The following PTBP3 variants were observed in gnomAD, a reference collection of about 807,000 sequenced individuals.
The protein encoded by PTBP3 is polypyrimidine tract binding protein 3, also known as polypyrimidine tract-binding protein 3.
PTBP3 carries 20 observed loss-of-function variants against 58.7 expected under a neutral mutation model. The observed-to-expected ratio is 0.34, with a 90% CI of 0.24 to 0.50. The LOEUF (loss-of-function observed/expected upper bound fraction) is 0.50. PTBP3 is among the 20% of genes least tolerant of loss of function. PTBP3 has a pLI of 0.98. For synonymous variants in PTBP3, 185 were observed against 219.8 expected, an observed-to-expected ratio of 0.84 and a Z score of 1.40; for missense variants, 509 against 637.2, an observed-to-expected ratio of 0.80 and a Z score of 2.17.
chr9:112,268,980 G>A (rs191803921), intron 3 of PTBP3, among the ~76,000 whole-genome samples: 5 of 152,108 alleles, frequency 3.3e-5, no homozygotes, highest in Non-Finnish European at 7.4e-5. Flanking sequence ...TGGATCACCC[G>A]AGGTCAGGAG....
chr9:112,243,599 A>G (rs1835749737), intron 7 of PTBP3, among the ~76,000 whole-genome samples: 1 of 152,168 alleles, frequency 6.6e-6, no homozygotes. Context: ...CATTATCTGT[A>G]GATGATATGA....
At position 112,332,502 on chromosome 9, in the gene PTBP3, T is replaced by TA. The variant is rs946071922; in HGVS notation, c.-52+967dup. On this transcript the variant is annotated intron_variant, in intron 1 of 13. Transcript: ENST00000374257. Reference sequence around the variant, plus strand: ...TTGTCATCAAAAGTAGGTAACAAGCTAAAAAAAACCTCAAATACATAATGG... The same window carrying TA: ...TTGTCATCAAAAGTAGGTAACAAGCTAAAAAAAAACCTCAAATACATAATGG... Among the ~76,000 whole-genome samples, 26 of 152,014 alleles carry TA rather than the reference T, an allele frequency of 1.7e-4. No homozygotes were observed. The South Asian group carries it at 3.5e-3, about 21-fold the overall frequency.
At chr9:112,347,253 T>C in the PTBP3 span, among the ~76,000 whole-genome samples, 38 of 151,862 alleles carry the variant, frequency 2.5e-4, no homozygotes, top group African/African-American at 9.2e-4. Context: ...GAATACTATA[T>C]CACAGTGAAA....
At chr9:112,241,020 C>G (rs1350270684) in intron 7 of PTBP3, among the ~76,000 whole-genome samples, 2 of 152,070 alleles carry the variant, frequency 1.3e-5, no homozygotes, top group Admixed American at 1.3e-4. Context: ...ACGAAAGAGT[C>G]AAAAGTTAAA....
the PTBP3 span, among the ~76,000 whole-genome samples, chr9:112,369,380 C>T: frequency 6.6e-6 from 1 of 152,128 alleles, no homozygotes; most frequent in Non-Finnish European, 1.5e-5. Flanking sequence ...GTGGAGCTGC[C>T]CAAGACCATG....
intron 1 of PTBP3, among the ~76,000 whole-genome samples, chr9:112,313,523 C>T (rs1406485740): frequency 6.6e-6 from 1 of 152,142 alleles, no homozygotes; most frequent in African/African-American, 2.4e-5. Context: ...AAGTCAGAAA[C>T]CTGGACATGG....
intron 12 of PTBP3, among the ~76,000 whole-genome samples, chr9:112,224,573 T>A (rs1285983923): frequency 6.6e-6 from 1 of 152,236 alleles, no homozygotes; most frequent in East Asian, 1.9e-4. Context: ...CTCTGACTTG[T>A]CTGCTACAGT....
chr9:112,318,299 A>C (rs1044940223), intron 1 of PTBP3, among the ~76,000 whole-genome samples: 1 of 152,144 alleles, frequency 6.6e-6, no homozygotes, highest in African/African-American at 2.4e-5. Context: ...AAAAGGTAAT[A>C]AGTAAGTTTT....
At chr9:112,347,566 C>T in the PTBP3 span, among the ~76,000 whole-genome samples, 8 of 152,116 alleles carry the variant, frequency 5.3e-5, no homozygotes, top group African/African-American at 1.9e-4. Flanking sequence ...TGGTCTCGAA[C>T]TCTTGGGCTC....
chr9:112,231,974 GAGAAGAGA>G lies in PTBP3; in HGVS notation c.1020+117_1020+124del, dbSNP rs1564391437. ...GAAGAGAAGAGAAGAGAAGAGAGAA[GAGAAGAGA>G]AGAGAAGAGAAGAGAAGAGAAGAGA... is the stretch of plus-strand genomic sequence containing the variant. On this transcript the variant is annotated intron_variant, in intron 9 of 13. Coordinates refer to ENST00000374257, the MANE Select transcript of PTBP3 (RefSeq NM_001163788.4). The G allele has an allele frequency of 2.0e-4, 78 of 383,292 alleles. 1 individual carries two copies. The highest frequency in any genetic ancestry group is 4.9e-4 in the Admixed American group (7 of 14,378). The allele number at this position is 383,292 out of a possible 1,614,324, so 23.7% of individuals were successfully genotyped here. A position where few individuals can be genotyped will look rare whatever the true frequency, so the allele number is the denominator to read the frequency against.
At chr9:112,268,339 C>T in intron 3 of PTBP3, 144 bp from the exon 4 acceptor site, 3 of 756,160 alleles carry the variant, frequency 4.0e-6, no homozygotes, top group Non-Finnish European at 5.8e-6. Flanking sequence ...AACAAAAAAA[C>T]ACCTTTGCTT....
intron 1 of PTBP3, among the ~76,000 whole-genome samples, chr9:112,306,253 C>T (rs1275626645): frequency 6.6e-6 from 1 of 152,090 alleles, no homozygotes; most frequent in African/African-American, 2.4e-5. Context: ...CAGCCTCAAC[C>T]TCCTAGGCTC....
intron 1 of PTBP3, among the ~76,000 whole-genome samples, chr9:112,306,470 A>AC (rs552424292): frequency 6.6e-6 from 1 of 151,458 alleles, no homozygotes; most frequent in Non-Finnish European, 1.5e-5. Context: ...AAAAAAAAAA[A>AC]ACACTATTCT....
At position 112,221,413 on chromosome 9, in the gene PTBP3, A is replaced by C; in HGVS notation, c.*2438T>G. 2.0e-6 allele frequency: 2 copies of C among 985,836 alleles called. No individual in the cohort carries two copies. Among genetic ancestry groups the C allele is most frequent in the Non-Finnish European group, 2.4e-6 (2 of 829,912 alleles). The allele number at this position is 985,836 out of a possible 1,614,324, so 61.1% of individuals were successfully genotyped here. On this transcript the variant is annotated 3_prime_UTR_variant, in exon 14 of 14. Coordinates refer to ENST00000374257, the MANE Select transcript of PTBP3 (RefSeq NM_001163788.4). The stretch of plus-strand genomic sequence containing the variant: ...ACTATGATCCCCTTCCGTTATTAGC[A>C]ACTTTGCTACACTTATGCTGAATGT...
intron 1 of PTBP3, among the ~76,000 whole-genome samples, chr9:112,325,769 ACC>A (rs1444986545): frequency 6.6e-6 from 1 of 152,110 alleles, no homozygotes; most frequent in Non-Finnish European, 1.5e-5. Context: ...CATGCCTGTA[ACC>A]CCAGTACTTC....
chr9:112,230,393 A>G (rs1323474055), intron 10 of PTBP3, among the ~76,000 whole-genome samples: 1 of 152,164 alleles, frequency 6.6e-6, no homozygotes, highest in Non-Finnish European at 1.5e-5. Flanking sequence ...CAAATGAAGC[A>G]TATCAGTGAG....
Position 112,221,542 on chromosome 9 carries a change from G to A in PTBP3, c.*2309C>T. ...TGAAAATTATAATAGTGCCTGTGTG[G>A]AAGGGAAAAAAAAGCAAGTTTTGGG... On this transcript the variant is annotated 3_prime_UTR_variant, in exon 14 of 14. Transcript: ENST00000374257. The A allele has an allele frequency of 1.0e-6, 1 of 985,548 alleles. No homozygotes were observed. The highest frequency in any genetic ancestry group is 1.2e-6 in the Non-Finnish European group (1 of 829,872). 61.1% of individuals were successfully genotyped at this position (985,548 alleles called of 1,614,324 possible).
chr9:112,231,964 GAA>G, intron 9 of PTBP3, 133 bp downstream of exon 9: 1 of 305,398 alleles, frequency 3.3e-6, no homozygotes, highest in Non-Finnish European at 5.2e-6. Flanking sequence ...GAAGAGAAGA[GAA>G]GAGAGAAGAG....
chr9:112,343,790 CA>C, the PTBP3 span, among the ~76,000 whole-genome samples: 67,896 of 142,874 alleles, frequency 0.48, 15,862 homozygotes, highest in African/African-American at 0.55. Context: ...GACTCTATCT[CA>C]AAAAAAAAAA....
Sources: allele counts gnomAD v4.1 joint callset (sites outside exome capture counted in the v4.1 genomes callset), GRCh38; gene constraint gnomAD v4.1.1; transcripts MANE v1.5; gene names NCBI Gene and HGNC (gene_info 2026-07-23, HGNC 2026-07-21).